MECR: variants seen among roughly 807,000 people sequenced by gnomAD.
MECR encodes the protein mitochondrial trans-2-enoyl-CoA reductase, also known as enoyl-[acyl-carrier-protein] reductase, mitochondrial.
Under a neutral mutation model 49.1 loss-of-function variants are expected in MECR, and 37 were observed. The ratio of observed to expected loss-of-function variants is 0.75; its 90% CI spans 0.58 to 0.99. The LOEUF (loss-of-function observed/expected upper bound fraction) is 0.99, where lower values mean the gene tolerates loss of function less well. Ranked by LOEUF, MECR falls within the 50% of genes least tolerant of loss-of-function variation. The pLI, the probability that MECR is intolerant of heterozygous loss-of-function variation, is 0.00. For synonymous variants in MECR, 198 were observed against 191.1 expected (o/e 1.04, Z -0.30); for missense variants, 470 against 479.6 (o/e 0.98, Z 0.19).
chr1:29,174,956 GCCA>G, the MECR span, among the ~76,000 whole-genome samples: 1 of 148,884 alleles, frequency 6.7e-6, no homozygotes, highest in Admixed American at 6.7e-5. Context: ...ATAGGCGTGA[GCCA>G]CCACAACTGG....
chr1:29,180,373 T>C, the MECR span, among the ~76,000 whole-genome samples: 1 of 152,268 alleles, frequency 6.6e-6, no homozygotes, highest in Admixed American at 6.5e-5. Context: ...TAAAGCCTTT[T>C]ACTGTAAAAG....
At chr1:29,190,166 A>C (rs1445122270), downstream of MECR, among the ~76,000 whole-genome samples, 2 of 150,632 alleles carry the variant, frequency 1.3e-5, no homozygotes, top group African/African-American at 2.4e-5. Flanking sequence ...CGAGGTCAGG[A>C]GATCGAGATC....
downstream of MECR, among the ~76,000 whole-genome samples, chr1:29,188,211 ATGGAGTCTCACTC>A (rs1468952697): frequency 6.6e-6 from 1 of 151,046 alleles, no homozygotes; most frequent in East Asian, 2.0e-4. Flanking sequence ...TTTTTTTGAA[ATGGAGTCTCACTC>A]TGTTGCCCAG....
chr1:29,200,639 G>A (rs774899584), intron 6 of MECR, 50 bp from the exon 7 acceptor site: 2 of 1,543,438 alleles, frequency 1.3e-6, no homozygotes, highest in Admixed American at 3.4e-5. Context: ...TCTACATATG[G>A]GGTCTGAAGC....
rs1574303821 is a variant in MECR at position 29,202,006 on chromosome 1, C to T, written c.693G>A (p.Leu231=). Residue 231 remains leucine, a synonymous_variant, in exon 6 of 10, where the codon CTG becomes CTA. Coordinates refer to ENST00000263702, the MANE Select transcript of MECR (RefSeq NM_016011.5). The part of the protein sequence containing the change: ...IQKLSDRLKS[L]GAEHVITEEE... The stretch of plus-strand genomic sequence containing the variant: ...CTTCTGTGATGACATGCTCAGCCCC[C>T]AGACTCTTCAGTCTGTCACTCAGCT... 6.2e-7 allele frequency: 1 copy of T among 1,614,192 alleles called. No homozygotes were observed. Among genetic ancestry groups the T allele is most frequent in the Non-Finnish European group, 8.5e-7 (1 of 1,180,032 alleles).
At chr1:29,203,329 C>A in intron 4 of MECR, 96 bp from the exon 5 acceptor site, 1 of 929,766 alleles carries the variant, frequency 1.1e-6, no homozygotes, top group South Asian at 1.7e-5. Flanking sequence ...CAAGGGAGTC[C>A]TCAGGCTCAA....
At chr1:29,211,276 C>T (rs1677959998) in intron 3 of MECR, among the ~76,000 whole-genome samples, 1 of 152,138 alleles carries the variant, frequency 6.6e-6, no homozygotes, top group Admixed American at 6.5e-5. Context: ...ACCAAGTTGC[C>T]CAGGCCATTC....
chr1:29,183,888 T>A, the MECR span, among the ~76,000 whole-genome samples: 1 of 150,088 alleles, frequency 6.7e-6, no homozygotes, highest in Non-Finnish European at 1.5e-5. Flanking sequence ...TACTTTTTTT[T>A]TTTTTTTTTG....
intron 2 of MECR, 47 bp from the exon 3 acceptor site, chr1:29,216,183 T>G: frequency 6.2e-7 from 1 of 1,608,670 alleles, no homozygotes; most frequent in Non-Finnish European, 8.5e-7. Flanking sequence ...GTTTGGGCAG[T>G]GAAAGAGCAT....
chr1:29,180,511 T>C, the MECR span, among the ~76,000 whole-genome samples: 1 of 152,234 alleles, frequency 6.6e-6, no homozygotes, highest in African/African-American at 2.4e-5. Context: ...ACGTGAAACA[T>C]ACTTAGGTAA....
the MECR span, among the ~76,000 whole-genome samples, chr1:29,186,296 C>T: frequency 6.6e-6 from 1 of 152,222 alleles, no homozygotes; most frequent in African/African-American, 2.4e-5. Flanking sequence ...TGTTCACAGT[C>T]AGGGCTTTGA....
Position 29,201,230 on chromosome 1 carries a change from CTT to C in MECR, c.757-643_757-642del, listed in dbSNP as rs1675241331. ...GGGTTTCAGCTCCCTGTGTGCCCCC[CTT>C]TTCAGTTCTTTGACTCAGCTGATAT... On this transcript the variant is annotated intron_variant, in intron 6 of 9. Transcript: ENST00000263702. The surrounding 1 kb of genome is among the most constrained non-coding windows in gnomAD (Gnocchi z 4.3). 1 of 348,772 alleles carries C rather than the reference CTT, an allele frequency of 2.9e-6. No homozygotes were observed. Among genetic ancestry groups the C allele is most frequent in the South Asian group, 2.3e-5 (1 of 44,222 alleles). 21.6% of individuals were successfully genotyped at this position (348,772 alleles called of 1,614,324 possible). A position where few individuals can be genotyped will look rare whatever the true frequency, so the allele number is the denominator to read the frequency against.
chr1:29,227,806 T>C (rs1482009316), intron 1 of MECR, among the ~76,000 whole-genome samples: 1 of 152,174 alleles, frequency 6.6e-6, no homozygotes, highest in African/African-American at 2.4e-5. Flanking sequence ...TTGTAAGACA[T>C]GACTACAAAG....
chr1:29,204,611 C>G (rs1339607358), intron 4 of MECR, among the ~76,000 whole-genome samples: 1 of 152,150 alleles, frequency 6.6e-6, no homozygotes, highest in Admixed American at 6.5e-5. Context: ...TACCATGTGT[C>G]AAGATCCTAA....
chr1:29,216,935 G>A, intron 1 of MECR: 1 of 653,328 alleles, frequency 1.5e-6, no homozygotes, highest in South Asian at 2.4e-5. Context: ...AGGAGTTCAA[G>A]ACCAGCCTGG....
chr1:29,168,246 G>T, the MECR span, among the ~76,000 whole-genome samples: 1 of 147,444 alleles, frequency 6.8e-6, no homozygotes, highest in Admixed American at 6.8e-5. Flanking sequence ...GCCCAGGGTG[G>T]TCTCGAACTC....
intron 1 of MECR, among the ~76,000 whole-genome samples, chr1:29,223,739 A>G (rs1039085536): frequency 6.6e-6 from 1 of 152,210 alleles, no homozygotes; most frequent in Admixed American, 6.5e-5. Context: ...TGTGCTAGGT[A>G]CATTGTTCTG....
In MECR at chr1:29,203,265, C is replaced by T. The variant is rs774524187; in HGVS notation, c.551-32G>A. ...AGCCAGGAAGAGAACCAAATCAAGC[C>T]CTGTATAGATCTGCAATAGGTCAAA... On this transcript the variant is annotated intron_variant, in intron 4 of 9. Transcript: ENST00000263702. 3.8e-5 allele frequency: 57 copies of T among 1,518,408 alleles called. No individual in the cohort carries two copies. The Admixed American group carries it at 9.3e-4, about 25-fold the overall frequency. 94.1% of individuals were successfully genotyped at this position (1,518,408 alleles called of 1,614,324 possible).
At position 29,194,143 on chromosome 1, in the gene MECR, A is replaced by T; in HGVS notation, c.1001T>A (p.Leu334His). The change falls in exon 10 of 10, where the codon CTC (leucine) becomes CAC (histidine). Residue 334 changes from leucine to histidine, a missense_variant. By Grantham distance (99) the Leu-to-His change is moderately conservative. Transcript: ENST00000263702. ...FKELILTLCDLIRRGQLTAPA... is the reference protein window; with the variant it reads ...FKELILTLCDHIRRGQLTAPA... ...GGCTGTGAGCTGGCCTCGGCGGATG[A>T]GATCGCACAGTGTGAGGATCAGCTC... The T allele has an allele frequency of 6.2e-7, 1 of 1,613,634 alleles. No individual in the cohort carries two copies. Among genetic ancestry groups the T allele is most frequent in the Non-Finnish European group, 8.5e-7 (1 of 1,179,778 alleles).
Sources: gnomAD v4.1 joint callset for allele counts (sites outside exome capture counted in the v4.1 genomes callset) on GRCh38, gnomAD v4.1.1 for gene constraint, Gnocchi (gnomAD v3.1) non-coding constraint, MANE v1.5 for transcripts, NCBI Gene and HGNC (gene_info 2026-07-23, HGNC 2026-07-21) for gene names.